The following VPS13B variants were observed in gnomAD, a reference collection of about 807,000 sequenced individuals.
The protein encoded by VPS13B is vacuolar protein sorting 13 homolog B, also known as intermembrane lipid transfer protein VPS13B.
VPS13B carries 285 observed loss-of-function variants against 426.4 expected under a neutral mutation model. That is an observed-to-expected ratio of 0.67 (90% CI 0.61 to 0.74). VPS13B has a LOEUF of 0.74. VPS13B is among the 30% of genes least tolerant of loss of function. The probability of loss-of-function intolerance (pLI) is 0.00; values close to 1 mark genes in which losing one functional copy is unlikely to be tolerated. For missense variants in VPS13B, 4,537 were observed against 4,782.6 expected, an observed-to-expected ratio of 0.95 and a Z score of 1.51; for synonymous variants, 1,676 against 1,676.4, an observed-to-expected ratio of 1.00 and a Z score of 0.01.
At chr8:99,134,483 G>A (rs1809966525) in intron 8 of VPS13B, 149 bp from the exon 9 acceptor site, 1 of 613,532 alleles carries the variant, frequency 1.6e-6, no homozygotes, top group African/African-American at 1.9e-5. Flanking sequence ...ATCTGTTACA[G>A]CTGTTTTTGT....
At position 99,565,238 on chromosome 8, in the gene VPS13B, A is replaced by G. The variant is rs528826566; in HGVS notation, c.4949+8585A>G. ...GATCATAATACTTTTATTTCTTCCT[A>G]TCTCTGACTTGATTTTGTTAGGTAA... On this transcript the variant is annotated intron_variant, in intron 31 of 61. Transcript: ENST00000357162. Among the ~76,000 whole-genome samples the G allele has an allele frequency of 5.3e-5, 8 of 152,246 alleles. No individual in the cohort carries two copies. The South Asian group carries it at 6.2e-4, about 12-fold the overall frequency.
At chr8:99,088,672 G>A (rs2132405058) in intron 3 of VPS13B, among the ~76,000 whole-genome samples, 1 of 152,280 alleles carries the variant, frequency 6.6e-6, no homozygotes, top group East Asian at 1.9e-4. Flanking sequence ...ATACTCAGAA[G>A]AGTCTTCTTC....
chr8:99,032,942 C>CA (rs917707590), intron 2 of VPS13B, among the ~76,000 whole-genome samples: 8 of 152,134 alleles, frequency 5.3e-5, no homozygotes, highest in African/African-American at 1.9e-4. Flanking sequence ...AAATAGAGAA[C>CA]ATTTCTCTAC....
intron 30 of VPS13B, among the ~76,000 whole-genome samples, chr8:99,523,135 A>T (rs1278469740): frequency 2.0e-5 from 3 of 152,144 alleles, no homozygotes; most frequent in Admixed American, 2.0e-4. Context: ...CTGCTTGTGG[A>T]AAGGGGAGGG....
At chr8:99,812,299 G>C (rs1217953831) in intron 44 of VPS13B, among the ~76,000 whole-genome samples, 2 of 152,156 alleles carry the variant, frequency 1.3e-5, no homozygotes, top group African/African-American at 4.8e-5. Flanking sequence ...CAGAGACGTA[G>C]GATTTCCTCA....
At chr8:99,362,038 C>G (rs1416468059) in intron 19 of VPS13B, among the ~76,000 whole-genome samples, 8 of 151,868 alleles carry the variant, frequency 5.3e-5, no homozygotes, top group Admixed American at 5.2e-4. Context: ...TTCTGCTCCT[C>G]TCTGTTTCCA....
intron 31 of VPS13B, among the ~76,000 whole-genome samples, chr8:99,571,822 T>C (rs1588506195): frequency 6.6e-6 from 1 of 152,194 alleles, no homozygotes; most frequent in South Asian, 2.1e-4. Context: ...TTCCGGTTAC[T>C]CTCTACTCAC....
intron 3 of VPS13B, among the ~76,000 whole-genome samples, chr8:99,046,968 G>A (rs554128940): frequency 1.2e-4 from 19 of 152,190 alleles, no homozygotes; most frequent in Non-Finnish European, 2.4e-4. Flanking sequence ...ATGTTCATCA[G>A]GGATATTGGC....
chr8:99,428,739 A>T (rs202194665), intron 21 of VPS13B, among the ~76,000 whole-genome samples: 1 of 152,154 alleles, frequency 6.6e-6, no homozygotes, highest in Non-Finnish European at 1.5e-5. Context: ...CTCAGGGATC[A>T]AGAACTAGAA....
chr8:99,477,644 A>G (rs908576734), intron 24 of VPS13B, among the ~76,000 whole-genome samples: 2 of 152,200 alleles, frequency 1.3e-5, no homozygotes, highest in Non-Finnish European at 2.9e-5. Flanking sequence ...TATTGAATCT[A>G]TTTCATTGTT....
At chr8:99,744,721 C>A (rs1358797814) in intron 39 of VPS13B, among the ~76,000 whole-genome samples, 2 of 146,846 alleles carry the variant, frequency 1.4e-5, no homozygotes, top group African/African-American at 5.1e-5. Flanking sequence ...GTCTCAAGAA[C>A]AAAAAACCAA....
intron 27 of VPS13B, 63 bp downstream of exon 27, chr8:99,503,013 A>C: frequency 8.0e-7 from 1 of 1,254,072 alleles, no homozygotes; most frequent in East Asian, 2.3e-5. Context: ...TTACCATAAG[A>C]CTTTTTCTAT....
intron 16 of VPS13B, among the ~76,000 whole-genome samples, chr8:99,174,757 G>A (rs1283984003): frequency 6.6e-6 from 1 of 152,018 alleles, no homozygotes; most frequent in Non-Finnish European, 1.5e-5. Context: ...AAACAAAATA[G>A]GCAAGTTATT....
intron 59 of VPS13B, 56 bp from the exon 60 acceptor site, chr8:99,870,729 A>G: frequency 6.6e-7 from 1 of 1,523,910 alleles, no homozygotes; most frequent in Non-Finnish European, 9.1e-7. Context: ...TCATTGCAGC[A>G]TGAAACTGTT....
At chr8:99,402,533 A>G (rs1815093826) in intron 21 of VPS13B, among the ~76,000 whole-genome samples, 2 of 152,140 alleles carry the variant, frequency 1.3e-5, no homozygotes, top group Non-Finnish European at 2.9e-5. Flanking sequence ...AAGGAGGAGA[A>G]CTGGGTGGTC....
intron 17 of VPS13B, among the ~76,000 whole-genome samples, chr8:99,270,206 T>G (rs1391490819): frequency 7.6e-6 from 1 of 132,438 alleles, no homozygotes; most frequent in African/African-American, 2.8e-5. Flanking sequence ...TGGTGTGATC[T>G]CGGCTCACTG....
At chr8:99,690,737 A>T (rs1831619676) in intron 35 of VPS13B, among the ~76,000 whole-genome samples, 1 of 152,218 alleles carries the variant, frequency 6.6e-6, no homozygotes, top group African/African-American at 2.4e-5. Flanking sequence ...GAATATATAC[A>T]GTCAATAAGC....
intron 43 of VPS13B, among the ~76,000 whole-genome samples, chr8:99,785,946 C>T (rs930886181): frequency 6.6e-6 from 1 of 152,188 alleles, no homozygotes. Context: ...TTTACCGATG[C>T]ACACACAGCA....
At chr8:99,165,264 G>T (rs915920876) in intron 15 of VPS13B, among the ~76,000 whole-genome samples, 80 of 152,102 alleles carry the variant, frequency 5.3e-4, no homozygotes, top group African/African-American at 1.9e-3. Context: ...TTGTACAATA[G>T]ATCTTTTAAA....
Sources: gnomAD v4.1 joint callset for allele counts (sites outside exome capture counted in the v4.1 genomes callset) on GRCh38, gnomAD v4.1.1 for gene constraint, MANE v1.5 for transcripts, NCBI Gene and HGNC (gene_info 2026-07-23, HGNC 2026-07-21) for gene names.